Variants in TBL1XR1 observed in about 807,000 individuals in gnomAD.
TBL1XR1 encodes TBL1X/Y related 1.
A neutral mutation model predicts 66.9 loss-of-function variants in TBL1XR1; 5 were observed. The observed-to-expected ratio is 0.07, with a 90% CI of 0.04 to 0.16. The LOEUF (loss-of-function observed/expected upper bound fraction) is 0.16. Ranked by LOEUF, TBL1XR1 falls within the 10% of genes least tolerant of loss-of-function variation. TBL1XR1 has a pLI of 1.00. For synonymous variants in TBL1XR1, 210 were observed against 206.0 expected, an observed-to-expected ratio of 1.02 and a Z score of -0.17; for missense variants, 238 against 623.2, an observed-to-expected ratio of 0.38 and a Z score of 6.58.
At chr3:177,123,741 T>A (rs936988923) in intron 1 of TBL1XR1, among the ~76,000 whole-genome samples, 11 of 152,066 alleles carry the variant, frequency 7.2e-5, no homozygotes, top group African/African-American at 2.2e-4. Context: ...GATTCAAACA[T>A]ACCCATCAAA....
At chr3:177,199,885 G>T (rs1737307431), upstream of TBL1XR1, among the ~76,000 whole-genome samples, 1 of 152,144 alleles carries the variant, frequency 6.6e-6, no homozygotes, top group African/African-American at 2.4e-5. Context: ...AGATCATCGA[G>T]GCTGGGGACT....
intron 1 of TBL1XR1, among the ~76,000 whole-genome samples, chr3:177,134,971 G>GTGTGTGTGTGTGTGTGTGTC (rs1283330297): frequency 0.051 from 7,381 of 145,638 alleles, 221 homozygotes; most frequent in East Asian, 0.19. Flanking sequence ...GTGTGTCTGT[G>GTGTGTGTGTGTGTGTGTGTC]TGTGTGTCTG....
chr3:177,054,025 T>TCC, intron 3 of TBL1XR1, 107 bp from the exon 4 acceptor site: 1 of 1,231,180 alleles, frequency 8.1e-7, no homozygotes, highest in East Asian at 2.4e-5. Context: ...TCCTACCCAT[T>TCC]TAAAATCCCA....
At chr3:177,039,837 T>C (rs1251917401) in intron 10 of TBL1XR1, among the ~76,000 whole-genome samples, 1 of 152,174 alleles carries the variant, frequency 6.6e-6, no homozygotes, top group East Asian at 1.9e-4. Context: ...TCAGTGTCCA[T>C]AAATAAGAGT....
chr3:177,058,154 A>G (rs981245189), intron 3 of TBL1XR1, among the ~76,000 whole-genome samples: 18 of 152,294 alleles, frequency 1.2e-4, no homozygotes, highest in Admixed American at 2.6e-4. Flanking sequence ...CAAAGCTTAA[A>G]TATGACCACA....
At chr3:177,098,989 T>C (rs142065367) in intron 1 of TBL1XR1, among the ~76,000 whole-genome samples, 111 of 152,362 alleles carry the variant, frequency 7.3e-4, no homozygotes, top group African/African-American at 2.6e-3. Context: ...CTGTTCTCTT[T>C]AAACTTTATA....
chr3:177,156,770 T>C (rs779018321), intron 1 of TBL1XR1, among the ~76,000 whole-genome samples: 1 of 152,062 alleles, frequency 6.6e-6, no homozygotes, highest in African/African-American at 2.4e-5. Context: ...TATATACTAC[T>C]ATACACTAGA....
chr3:177,107,133 G>A (rs980974582), intron 1 of TBL1XR1, among the ~76,000 whole-genome samples: 11 of 151,870 alleles, frequency 7.2e-5, no homozygotes, highest in African/African-American at 1.7e-4. Flanking sequence ...ATATGTCAGC[G>A]GATAATTACT....
At chr3:177,127,033 C>T (rs993923482) in intron 1 of TBL1XR1, among the ~76,000 whole-genome samples, 2 of 152,154 alleles carry the variant, frequency 1.3e-5, no homozygotes, top group African/African-American at 4.8e-5. Context: ...TCATAAAATG[C>T]GTTCAACAAT....
intron 2 of TBL1XR1, among the ~76,000 whole-genome samples, chr3:177,067,768 A>T (rs2108549685): frequency 1.3e-5 from 2 of 152,286 alleles, no homozygotes; most frequent in East Asian, 3.9e-4. Flanking sequence ...CCTATGTGCC[A>T]AAGAGTGAAA....
At chr3:177,050,283 G>T in intron 6 of TBL1XR1, 145 bp from the exon 7 acceptor site, 2 of 1,262,922 alleles carry the variant, frequency 1.6e-6, no homozygotes, top group Admixed American at 5.0e-5. Flanking sequence ...CATTCTACAC[G>T]TTGGGACCCC....
At chr3:177,089,434 T>C (rs904106996) in intron 2 of TBL1XR1, among the ~76,000 whole-genome samples, 6 of 152,068 alleles carry the variant, frequency 3.9e-5, no homozygotes, top group Non-Finnish European at 8.8e-5. Flanking sequence ...CCTTGCCCCT[T>C]AGGTGGAAAA....
intron 1 of TBL1XR1, among the ~76,000 whole-genome samples, chr3:177,128,561 A>C (rs191118556): frequency 6.6e-6 from 1 of 152,086 alleles, no homozygotes; most frequent in Non-Finnish European, 1.5e-5. Flanking sequence ...TTTAGTAGAG[A>C]TGGGGTTTTG....
rs1720795567 is a variant in TBL1XR1, at chr3:177,077,159, A to G, written c.-45-12137T>C. Among the ~76,000 whole-genome samples, 3 of 152,208 alleles carry G rather than the reference A, an allele frequency of 2.0e-5. No individual in the cohort carries two copies. The South Asian group carries it at 6.2e-4, about 31-fold the overall frequency. ...CTGTCTACTAACAAAGAACACTAAC[A>G]CACCTTACAACAGTACTTTCGCTGC... is the stretch of plus-strand genomic sequence containing the variant. On this transcript the variant is annotated intron_variant, in intron 2 of 15. Coordinates refer to ENST00000457928, the MANE Select transcript of TBL1XR1 (RefSeq NM_024665.7).
intron 1 of TBL1XR1, among the ~76,000 whole-genome samples, chr3:177,100,869 TTTC>T: frequency 3.0e-5 from 4 of 134,970 alleles, no homozygotes; most frequent in Non-Finnish European, 1.7e-5. Context: ...TGGTTTTTTT[TTTC>T]TTTGAGACGG....
intron 1 of TBL1XR1, among the ~76,000 whole-genome samples, chr3:177,170,796 G>A (rs1333133300): frequency 1.3e-5 from 2 of 151,926 alleles, no homozygotes; most frequent in African/African-American, 4.8e-5. Context: ...GTTGAGACGA[G>A]GTCTCGCCAT....
chr3:177,135,509 G>A (rs1396425669), intron 1 of TBL1XR1, among the ~76,000 whole-genome samples: 2 of 150,174 alleles, frequency 1.3e-5, no homozygotes, highest in African/African-American at 2.4e-5. Context: ...TCAGCCTCCC[G>A]AGTAGCTGGG....
At chr3:177,088,720 A>AG (rs1553836633) in intron 2 of TBL1XR1, among the ~76,000 whole-genome samples, 236 of 151,570 alleles carry the variant, frequency 1.6e-3, no homozygotes, top group African/African-American at 4.6e-3. Context: ...TAAAAAAAAA[A>AG]AAAAGAAAAG....
chr3:177,174,121 T>A (rs986259692), intron 1 of TBL1XR1, among the ~76,000 whole-genome samples: 2 of 152,120 alleles, frequency 1.3e-5, no homozygotes, highest in African/African-American at 4.8e-5. Flanking sequence ...GTTAAGGTTA[T>A]TATGATGACA....
Sources: allele counts gnomAD v4.1 joint callset (sites outside exome capture counted in the v4.1 genomes callset), GRCh38; gene constraint gnomAD v4.1.1; transcripts MANE v1.5; gene names NCBI Gene and HGNC (gene_info 2026-07-23, HGNC 2026-07-21).